HEXB: variants seen among roughly 807,000 people sequenced by gnomAD.
HEXB encodes the protein hexosaminidase subunit beta, also known as beta-hexosaminidase subunit beta.
A neutral mutation model predicts 71.2 loss-of-function variants in HEXB; 51 were observed. The observed-to-expected ratio is 0.72, with a 90% CI of 0.57 to 0.90. The LOEUF (loss-of-function observed/expected upper bound fraction) is 0.90. Among genes scored for constraint, HEXB ranks in the 40% least tolerant of loss-of-function variants. HEXB has a pLI of 0.00. For synonymous variants in HEXB, 266 were observed against 249.3 expected, an observed-to-expected ratio of 1.07 and a Z score of -0.63; for missense variants, 617 against 677.0, an observed-to-expected ratio of 0.91 and a Z score of 0.98.
intron 3 of HEXB, among the ~76,000 whole-genome samples, chr5:74,694,673 A>T (rs1749072026): frequency 6.6e-6 from 1 of 152,190 alleles, no homozygotes; most frequent in Non-Finnish European, 1.5e-5. Context: ...TCATTAAAAT[A>T]AAGGCTTGGG....
chr5:74,674,322 A>G (rs1010731221), intron 1 of HEXB, among the ~76,000 whole-genome samples: 3 of 152,164 alleles, frequency 2.0e-5, no homozygotes, highest in African/African-American at 7.2e-5. Flanking sequence ...GGAGGTTTTC[A>G]GCCAGGCGTG....
At chr5:74,642,392 C>G (rs556364945) in intron 1 of HEXB, among the ~76,000 whole-genome samples, 1 of 152,102 alleles carries the variant, frequency 6.6e-6, no homozygotes, top group South Asian at 2.1e-4. Flanking sequence ...GCAAGCAGCA[C>G]CCAGGTTCTG....
intron 10 of HEXB, 46 bp from the exon 11 acceptor site, chr5:74,718,751 C>G: frequency 6.4e-7 from 1 of 1,553,800 alleles, no homozygotes; most frequent in South Asian, 1.1e-5. Flanking sequence ...ATTTCATCTA[C>G]TGTTCTAGGC....
rs563125797 is a variant in HEXB, at chr5:74,715,452, A to G, written c.902-58A>G. On this transcript the variant is annotated intron_variant, in intron 7 of 13. Transcript: ENST00000261416. Reference sequence around the variant, plus strand: ...ATGACGTAGTAAAATCATGTGGAAAACCAGATCTTTATAATGAGTACACTT... The same window carrying G: ...ATGACGTAGTAAAATCATGTGGAAAGCCAGATCTTTATAATGAGTACACTT... 5 of 1,192,148 alleles carry G rather than the reference A, an allele frequency of 4.2e-6. No individual in the cohort carries two copies. The East Asian group carries it at 1.2e-4, about 28-fold the overall frequency. The allele number at this position is 1,192,148 out of a possible 1,614,324, so 73.8% of individuals were successfully genotyped here. A position where few individuals can be genotyped will look rare whatever the true frequency, so the allele number is the denominator to read the frequency against.
Position 74,685,288 on chromosome 5 carries a change from C to G in HEXB, c.28C>G (p.Arg10Gly). The part of the protein sequence containing the change: MELCGLGLP[R>G]PPMLLALLLA... ...GGAGCTGTGCGGGCTGGGGCTGCCC[C>G]GGCCGCCCATGCTGCTGGCGCTGCT... is the stretch of plus-strand genomic sequence containing the variant. Residue 10 changes from arginine (R) to glycine (G), a missense_variant, in exon 1 of 14, where the codon CGG becomes GGG. Coordinates refer to ENST00000261416, the MANE Select transcript of HEXB (RefSeq NM_000521.4). 1 of 1,549,764 alleles carries G rather than the reference C, an allele frequency of 6.5e-7. No individual in the cohort carries two copies. The highest frequency in any genetic ancestry group is 8.7e-7 in the Non-Finnish European group (1 of 1,152,548).
intron 10 of HEXB, 109 bp from the exon 11 acceptor site, chr5:74,718,688 T>C (rs1749734978): frequency 1.7e-6 from 2 of 1,144,728 alleles, no homozygotes; most frequent in Admixed American, 1.9e-5. Flanking sequence ...ATGCAGATTT[T>C]TTTTAAGGAT....
At chr5:74,687,013 C>G (rs564462653) in intron 1 of HEXB, among the ~76,000 whole-genome samples, 267 of 152,258 alleles carry the variant, frequency 1.8e-3, no homozygotes, top group African/African-American at 6.2e-3. Flanking sequence ...AGGTAGATAA[C>G]CAGGACTTAA....
intron 5 of HEXB, among the ~76,000 whole-genome samples, chr5:74,704,536 G>A (rs1749336413): frequency 6.6e-6 from 1 of 152,138 alleles, no homozygotes; most frequent in African/African-American, 2.4e-5. Flanking sequence ...TTTCAGAACT[G>A]TGGGAATTAT....
In HEXB at chr5:74,713,619, A is replaced by G. The variant is rs1242564451; in HGVS notation, c.885A>G (p.Thr295=). ...CAGAATTTGATACCCCTGGGCATAC[A>G]CTATCTTGGGGAAAAGGTAAGGAGT... ...VLPEFDTPGH[T]LSWGKGQKDL... Residue 295 remains threonine (T), a synonymous_variant, in exon 7 of 14, where the codon ACA becomes ACG. Transcript: ENST00000261416. The G allele has an allele frequency of 1.2e-6, 2 of 1,613,074 alleles. No individual in the cohort carries two copies. The highest frequency in any genetic ancestry group is 2.2e-5 in the East Asian group (1 of 44,862).
chr5:74,683,975 C>T (rs998092941), upstream of HEXB, among the ~76,000 whole-genome samples: 1 of 151,960 alleles, frequency 6.6e-6, no homozygotes, highest in African/African-American at 2.4e-5. Flanking sequence ...CGCCCGCCAC[C>T]ACGCCCAACT....
At chr5:74,706,950 C>G (rs1210401860) in intron 6 of HEXB, among the ~76,000 whole-genome samples, 1 of 152,284 alleles carries the variant, frequency 6.6e-6, no homozygotes, top group African/African-American at 2.4e-5. Flanking sequence ...AGCAGTGGTT[C>G]TCCCAGCACA....
intron 5 of HEXB, among the ~76,000 whole-genome samples, chr5:74,698,234 C>T (rs183675493): frequency 2.5e-4 from 38 of 151,620 alleles, no homozygotes; most frequent in Non-Finnish European, 4.0e-4. Flanking sequence ...TGCACCACCA[C>T]GCCCAGCTAA....
At chr5:74,656,045 G>A (rs1014267224) in intron 1 of HEXB, among the ~76,000 whole-genome samples, 1 of 152,184 alleles carries the variant, frequency 6.6e-6, no homozygotes, top group South Asian at 2.1e-4. Context: ...CATGGACTTT[G>A]TAAACAAAAA....
At chr5:74,716,059 T>C (rs1420077244) in intron 8 of HEXB, among the ~76,000 whole-genome samples, 1 of 150,132 alleles carries the variant, frequency 6.7e-6, no homozygotes, top group Admixed American at 6.7e-5. Flanking sequence ...AAAAACCTGT[T>C]GCATTGAAGT....
At chr5:74,688,501 ATTGT>A (rs1262447102) in intron 1 of HEXB, among the ~76,000 whole-genome samples, 1 of 151,926 alleles carries the variant, frequency 6.6e-6, no homozygotes, top group Non-Finnish European at 1.5e-5. Context: ...TACCCAGCTG[ATTGT>A]TTGTATTTTT....
chr5:74,652,674 G>T lies in HEXB; in HGVS notation c.-377+12116G>T, dbSNP rs1748141788. ...CCTTACCCCCACTACCCCCAGGATT[G>T]TGTCCAAGTTCCAAAGTGTTCTTGA... On this transcript the variant is annotated intron_variant, in intron 1 of 13. Coordinates refer to the HEXB transcript ENST00000511181. This position sits in a 1 kb window ranked among gnomAD's most constrained non-coding sequence, Gnocchi z 5.4. Among the ~76,000 whole-genome samples the T allele has an allele frequency of 1.3e-5, 2 of 152,058 alleles. No individual in the cohort carries two copies. Among genetic ancestry groups the T allele is most frequent in the Admixed American group, 1.3e-4 (2 of 15,264 alleles).
intron 2 of HEXB, 114 bp downstream of exon 2, chr5:74,689,587 G>A: frequency 1.2e-6 from 1 of 865,140 alleles, no homozygotes; most frequent in South Asian, 1.4e-5. Context: ...GTGAGTTTAT[G>A]ATTCCTATTT....
At chr5:74,699,410 G>A (rs1749206816) in intron 5 of HEXB, among the ~76,000 whole-genome samples, 1 of 151,908 alleles carries the variant, frequency 6.6e-6, no homozygotes, top group Non-Finnish European at 1.5e-5. Flanking sequence ...GAGTAGCTGG[G>A]ATTACAGGTG....
chr5:74,685,440 G>C lies in HEXB; in HGVS notation c.180G>C (p.Pro60=). The change falls in exon 1 of 14, where the codon CCG becomes CCC. Residue 60 remains proline (P), a synonymous_variant. Transcript: ENST00000261416. ...AKPGPALWPL[P]LLVKMTPNLL... Reference sequence around the variant, plus strand: ...CGGGGCCGGCGCTGTGGCCCCTGCCGCTCTTGGTGAAGATGACCCCGAACC... The same window carrying C: ...CGGGGCCGGCGCTGTGGCCCCTGCCCCTCTTGGTGAAGATGACCCCGAACC... 6.2e-7 allele frequency: 1 copy of C among 1,610,130 alleles called. No homozygotes were observed. Among genetic ancestry groups the C allele is most frequent in the Non-Finnish European group, 8.5e-7 (1 of 1,178,738 alleles).
Sources: allele counts gnomAD v4.1 joint callset (sites outside exome capture counted in the v4.1 genomes callset), GRCh38; gene constraint gnomAD v4.1.1; non-coding constraint Gnocchi (gnomAD v3.1); transcripts MANE v1.5; gene names NCBI Gene and HGNC (gene_info 2026-07-23, HGNC 2026-07-21).